SLC9B2: variants seen among roughly 807,000 people sequenced by gnomAD.
SLC9B2 encodes the protein solute carrier family 9 member B2.
In SLC9B2, 39 loss-of-function variants were observed where a neutral mutation model predicts 52.2. That is an observed-to-expected ratio of 0.75 (90% CI 0.58 to 0.98). The LOEUF (loss-of-function observed/expected upper bound fraction) is 0.98, where lower values mean the gene tolerates loss of function less well. Among genes scored for constraint, SLC9B2 ranks in the 50% least tolerant of loss-of-function variants. SLC9B2 has a pLI of 0.00. For synonymous variants in SLC9B2, 214 were observed against 227.0 expected (o/e 0.94, Z 0.51); for missense variants, 626 against 637.5 (o/e 0.98, Z 0.19).
chr4:103,053,026 T>C (rs1319339696), intron 4 of SLC9B2, among the ~76,000 whole-genome samples: 3 of 152,144 alleles, frequency 2.0e-5, no homozygotes, highest in Admixed American at 6.5e-5. Context: ...TCTTCCTGGA[T>C]AGAGGAGTGT....
chr4:103,057,253 TATATATATA>T (rs772381438), intron 4 of SLC9B2, among the ~76,000 whole-genome samples: 3 of 48,498 alleles, frequency 6.2e-5, no homozygotes, highest in African/African-American at 1.1e-4. Flanking sequence ...AGTATATATA[TATATATATA>T]TATATATATA....
intron 9 of SLC9B2, among the ~76,000 whole-genome samples, 159 bp from the exon 10 acceptor site, chr4:103,031,967 A>T (rs1168553114): frequency 6.6e-6 from 1 of 152,190 alleles, no homozygotes; most frequent in Non-Finnish European, 1.5e-5. Context: ...AAAAAACTGC[A>T]TGAAGATCTT....
At chr4:103,050,202 A>C (rs1192520154) in intron 5 of SLC9B2, 38 bp downstream of exon 5, 4 of 1,517,278 alleles carry the variant, frequency 2.6e-6, no homozygotes, top group Non-Finnish European at 3.5e-6. Flanking sequence ...TGAAGAAACA[A>C]GATTCCTATT....
intron 9 of SLC9B2, among the ~76,000 whole-genome samples, chr4:103,037,489 T>C (rs887827698): frequency 7.2e-5 from 11 of 152,226 alleles, no homozygotes; most frequent in African/African-American, 2.7e-4. Flanking sequence ...GTATTCTTTA[T>C]TTGCATTATT....
At chr4:103,030,277 G>A (rs1390283825) in intron 10 of SLC9B2, among the ~76,000 whole-genome samples, 5 of 152,270 alleles carry the variant, frequency 3.3e-5, no homozygotes, top group South Asian at 2.1e-4. Context: ...GAGGCACAAA[G>A]TTAGAAAGCA....
At chr4:103,051,543 T>C (rs1392380232) in intron 4 of SLC9B2, among the ~76,000 whole-genome samples, 1 of 152,248 alleles carries the variant, frequency 6.6e-6, no homozygotes, top group African/African-American at 2.4e-5. Flanking sequence ...TCTGGAATGT[T>C]TATTGGGCAA....
chr4:103,069,041 T>G (rs1180453932), intron 1 of SLC9B2, among the ~76,000 whole-genome samples: 1 of 152,220 alleles, frequency 6.6e-6, no homozygotes, highest in Non-Finnish European at 1.5e-5. Flanking sequence ...TGTTTTTTAT[T>G]ATACATAATT....
At position 103,025,222 on chromosome 4, in the gene SLC9B2, T is replaced by C. The variant is rs1344952583; in HGVS notation, c.*1148A>G. On this transcript the variant is annotated 3_prime_UTR_variant, in exon 12 of 12. Coordinates refer to ENST00000394785, the MANE Select transcript of SLC9B2 (RefSeq NM_178833.7). ...CTTGCATTTTCCTTGAGAGATAGAATGGAGATATGGTAGAGATCCATTTTT... is the reference window on the plus strand; with the variant it reads ...CTTGCATTTTCCTTGAGAGATAGAACGGAGATATGGTAGAGATCCATTTTT... Among the ~76,000 whole-genome samples the C allele has an allele frequency of 6.6e-6, 1 of 152,330 alleles. No individual in the cohort carries two copies. The highest frequency in any genetic ancestry group is 1.5e-5 in the Non-Finnish European group (1 of 68,020).
At chr4:103,069,786 T>G (rs532948601) in intron 1 of SLC9B2, among the ~76,000 whole-genome samples, 11 of 152,244 alleles carry the variant, frequency 7.2e-5, no homozygotes, top group Non-Finnish European at 1.3e-4. Flanking sequence ...ATTACCTCTT[T>G]CATCAAATTC....
chr4:103,031,774 T>C lies in SLC9B2; in HGVS notation c.1181A>G (p.Asp394Gly). ...EVEKIIAVAW[D>G]IFQPLLFGLI... ...TCCAAAAAGAAGGGGCTGAAAAATGTCCCAGGCAACTGCAATTATCTTTTC... is the reference window on the plus strand; with the variant it reads ...TCCAAAAAGAAGGGGCTGAAAAATGCCCCAGGCAACTGCAATTATCTTTTC... Residue 394 changes from aspartate to glycine, a missense_variant, in exon 10 of 12, where the codon GAC becomes GGC. Coordinates refer to ENST00000394785, the MANE Select transcript of SLC9B2 (RefSeq NM_178833.7). 2 of 1,612,816 alleles carry C rather than the reference T, an allele frequency of 1.2e-6. No homozygotes were observed. Among genetic ancestry groups the C allele is most frequent in the Non-Finnish European group, 1.7e-6 (2 of 1,179,236 alleles).
rs1440111477 is a variant in SLC9B2 at position 103,025,835 on chromosome 4, A to G, written c.*535T>C. 6.6e-6 allele frequency: 1 copy of G among 152,264 alleles called. No homozygotes were observed. The highest frequency in any genetic ancestry group is 1.5e-5 in the Non-Finnish European group (1 of 68,080). 9.4% of individuals were successfully genotyped at this position (152,264 alleles called of 1,614,324 possible). Reference sequence around the variant, plus strand: ...GTACTTTAAAATTTTGGTGGGACCAATCAGTTACAGTAATTCAAAGAAAGG... The same window carrying G: ...GTACTTTAAAATTTTGGTGGGACCAGTCAGTTACAGTAATTCAAAGAAAGG... On this transcript the variant is annotated 3_prime_UTR_variant, in exon 12 of 12. Transcript: ENST00000394785.
chr4:103,051,462 A>G (rs1744678383), intron 4 of SLC9B2, among the ~76,000 whole-genome samples: 1 of 152,220 alleles, frequency 6.6e-6, no homozygotes, highest in African/African-American at 2.4e-5. Flanking sequence ...GCATCACTCC[A>G]GGTATCTCTC....
At chr4:103,038,012 C>T (rs964726195) in intron 9 of SLC9B2, among the ~76,000 whole-genome samples, 2 of 151,920 alleles carry the variant, frequency 1.3e-5, no homozygotes, top group Admixed American at 6.6e-5. Context: ...CAGGTGTGCA[C>T]CACCACACCC....
rs1424038394 is a variant in SLC9B2 at position 103,047,126 on chromosome 4, T to A, written c.814A>T (p.Met272Leu). The A allele has an allele frequency of 1.2e-6, 2 of 1,614,056 alleles. No individual in the cohort carries two copies. The highest frequency in any genetic ancestry group is 3.3e-5 in the Admixed American group (2 of 59,998). ...ATGTCATCGAAGCTGCCAGCTGCCA[T>A]GAGCAAGGTTGGGACACCCTTCTCA... ...GVEKGVPTLL[M>L]AAGSFDDILA... Residue 272 changes from methionine to leucine, a missense_variant, in exon 7 of 12, where the codon ATG becomes TTG. Transcript: ENST00000394785.
chr4:103,041,772 C>CAT lies in SLC9B2; in HGVS notation c.1146+1523_1146+1524insAT, dbSNP rs1449862170. Among the ~76,000 whole-genome samples the CAT allele has an allele frequency of 4.9e-4, 74 of 152,078 alleles. 1 individual carries two copies. Among genetic ancestry groups the CAT allele is most frequent in the Admixed American group, 5.2e-4 (8 of 15,258 alleles). ...GCACAATAATGCTACAGTTGTACTA[C>CAT]AGCATAGTACAACTCACCTTGGAGT... is the stretch of plus-strand genomic sequence containing the variant. On this transcript the variant is annotated intron_variant, in intron 9 of 11. Transcript: ENST00000394785.
chr4:103,058,774 T>C (rs1264187314), intron 3 of SLC9B2, among the ~76,000 whole-genome samples: 2 of 150,906 alleles, frequency 1.3e-5, no homozygotes, highest in Admixed American at 6.6e-5. Flanking sequence ...TCTATAAGAA[T>C]GTGAAATAGG....
intron 4 of SLC9B2, among the ~76,000 whole-genome samples, chr4:103,055,323 G>C (rs1398214014): frequency 6.6e-6 from 1 of 151,894 alleles, no homozygotes; most frequent in African/African-American, 2.4e-5. Context: ...CACCAACAAG[G>C]CACATGTATA....
intron 4 of SLC9B2, among the ~76,000 whole-genome samples, chr4:103,055,390 TAA>T (rs956383939): frequency 6.6e-6 from 1 of 151,802 alleles, no homozygotes; most frequent in South Asian, 2.1e-4. Context: ...AAGTATAATT[TAA>T]AAAAAAGAAA....
At chr4:103,031,370 A>G (rs897195614) in intron 10 of SLC9B2, among the ~76,000 whole-genome samples, 1 of 152,164 alleles carries the variant, frequency 6.6e-6, no homozygotes, top group East Asian at 1.9e-4. Flanking sequence ...GCTCTTGTTC[A>G]GGACAAGGCT....
Sources: allele counts gnomAD v4.1 joint callset (sites outside exome capture counted in the v4.1 genomes callset), GRCh38; gene constraint gnomAD v4.1.1; transcripts MANE v1.5; gene names NCBI Gene and HGNC (gene_info 2026-07-23, HGNC 2026-07-21).